The following KIZ variants were observed in gnomAD, a reference collection of about 807,000 sequenced individuals.
The protein encoded by KIZ is kizuna centrosomal protein, also known as centrosomal protein kizuna.
KIZ carries 68 observed loss-of-function variants against 79.6 expected under a neutral mutation model. That is an observed-to-expected ratio of 0.85 (90% CI 0.70 to 1.05). The LOEUF is 1.05. KIZ is among the 50% of genes least tolerant of loss of function. KIZ has a pLI of 0.00. For synonymous variants in KIZ, 280 were observed against 281.8 expected, an observed-to-expected ratio of 0.99 and a Z score of 0.06; for missense variants, 797 against 800.4, an observed-to-expected ratio of 1.00 and a Z score of 0.05.
chr20:21,198,702 G>A (rs966772757), intron 6 of KIZ: 5 of 152,572 alleles, frequency 3.3e-5, no homozygotes, highest in African/African-American at 1.2e-4. Context: ...AAACTTCACC[G>A]GATTAAGTGG....
chr20:21,232,647 C>G (rs1600608641), intron 10 of KIZ, 87 bp from the exon 11 acceptor site: 2 of 716,064 alleles, frequency 2.8e-6, no homozygotes, highest in Non-Finnish European at 5.1e-6. Context: ...TTTGTTTCAC[C>G]AAACTTACTG....
chr20:21,183,916 C>G (rs932553483), intron 6 of KIZ, among the ~76,000 whole-genome samples: 4 of 152,148 alleles, frequency 2.6e-5, no homozygotes, highest in African/African-American at 9.7e-5. Context: ...GAATTTTTCC[C>G]TGGCATGCTG....
At chr20:21,134,601 C>T (rs1019404222) in intron 2 of KIZ, among the ~76,000 whole-genome samples, 1 of 151,708 alleles carries the variant, frequency 6.6e-6, no homozygotes, top group African/African-American at 2.4e-5. Flanking sequence ...GGAATGTTTT[C>T]CCCTCATCTT....
chr20:21,188,027 A>G (rs1436224132), intron 6 of KIZ, among the ~76,000 whole-genome samples: 1 of 152,094 alleles, frequency 6.6e-6, no homozygotes, highest in Non-Finnish European at 1.5e-5. Context: ...CCTCAGCCTC[A>G]TTTTCTCAGA....
At chr20:21,206,604 G>T (rs2035838638) in intron 7 of KIZ, among the ~76,000 whole-genome samples, 1 of 152,238 alleles carries the variant, frequency 6.6e-6, no homozygotes, top group South Asian at 2.1e-4. Context: ...GTGAGAAGGA[G>T]CACAAGAAGT....
intron 2 of KIZ, among the ~76,000 whole-genome samples, chr20:21,133,905 A>G (rs2032007273): frequency 6.6e-6 from 1 of 152,202 alleles, no homozygotes; most frequent in Admixed American, 6.5e-5. Context: ...CTGCGAAAGG[A>G]GATGGGGCTG....
intron 4 of KIZ, among the ~76,000 whole-genome samples, chr20:21,150,277 C>A (rs898249605): frequency 6.6e-6 from 1 of 152,212 alleles, no homozygotes; most frequent in Non-Finnish European, 1.5e-5. Flanking sequence ...TGGGCCCGCC[C>A]TCTCACACCT....
intron 6 of KIZ, among the ~76,000 whole-genome samples, chr20:21,170,040 G>A (rs1340663588): frequency 6.6e-6 from 1 of 152,052 alleles, no homozygotes; most frequent in Non-Finnish European, 1.5e-5. Context: ...TCTCTGTGCA[G>A]GTTTTTGTGT....
At chr20:21,168,617 A>G (rs1194929543) in intron 6 of KIZ, among the ~76,000 whole-genome samples, 1 of 152,242 alleles carries the variant, frequency 6.6e-6, no homozygotes, top group Non-Finnish European at 1.5e-5. Flanking sequence ...GAGAGCCCGC[A>G]TCGCCAAGTC....
In KIZ at chr20:21,205,473, C is replaced by T; in HGVS notation, c.1353-18C>T. 2 of 1,098,480 alleles carry T rather than the reference C, an allele frequency of 1.8e-6. No individual in the cohort carries two copies. The highest frequency in any genetic ancestry group is 2.7e-6 in the Non-Finnish European group (2 of 739,788). The allele number at this position is 1,098,480 out of a possible 1,614,324, so 68.0% of individuals were successfully genotyped here. The stretch of plus-strand genomic sequence containing the variant: ...AATATTACAAATCTATAGTGAGTGT[C>T]CTGTTTCTGTTTTATAGACCTGGAC... On this transcript the variant is annotated intron_variant, in intron 6 of 12. Transcript: ENST00000619189.
chr20:21,155,904 CTTA>C (rs1194297881), intron 4 of KIZ, among the ~76,000 whole-genome samples: 2 of 151,888 alleles, frequency 1.3e-5, no homozygotes, highest in Non-Finnish European at 2.9e-5. Flanking sequence ...GCTTTATTTC[CTTA>C]TTATGATGGA....
intron 4 of KIZ, among the ~76,000 whole-genome samples, chr20:21,161,451 C>T (rs1397954047): frequency 2.0e-5 from 3 of 152,158 alleles, no homozygotes; most frequent in African/African-American, 7.2e-5. Context: ...CCTGCCTCAG[C>T]TTCCTGAATA....
chr20:21,168,043 G>A (rs4815026), intron 6 of KIZ, among the ~76,000 whole-genome samples: 1 of 151,784 alleles, frequency 6.6e-6, no homozygotes, highest in Non-Finnish European at 1.5e-5. Flanking sequence ...TTAACATTAG[G>A]TATATCTCCA....
intron 4 of KIZ, among the ~76,000 whole-genome samples, chr20:21,147,989 G>T (rs918071363): frequency 6.6e-6 from 1 of 151,750 alleles, no homozygotes; most frequent in Non-Finnish European, 1.5e-5. Flanking sequence ...GTGTGTGTGT[G>T]TGTGTGGCAG....
At chr20:21,155,853 C>G (rs145757181) in intron 4 of KIZ, among the ~76,000 whole-genome samples, 2 of 152,216 alleles carry the variant, frequency 1.3e-5, no homozygotes, top group African/African-American at 2.4e-5. Flanking sequence ...AAATAATGCT[C>G]TACGTGAACT....
At chr20:21,206,683 G>C (rs987887948) in intron 7 of KIZ, among the ~76,000 whole-genome samples, 1 of 152,168 alleles carries the variant, frequency 6.6e-6, no homozygotes, top group African/African-American at 2.4e-5. Context: ...TGTACCTTTT[G>C]AAAAGCCACT....
At position 21,132,146 on chromosome 20, in the gene KIZ, T is replaced by A; in HGVS notation, c.139T>A (p.Ser47Thr). Reference protein sequence around the residue: ...LEKKLYEYNQSDTCRVKLKYV... With the variant: ...LEKKLYEYNQTDTCRVKLKYV... The stretch of plus-strand genomic sequence containing the variant: ...AAAGAAACTTTATGAATATAATCAG[T>A]CTGATACATGCAGGTAAGAGACGAC... The change falls in exon 2 of 13, where the codon TCT (serine) becomes ACT (threonine). Residue 47 changes from serine to threonine, a missense_variant. By Grantham distance (58) the Ser-to-Thr change is moderately conservative. Transcript: ENST00000619189. 1 of 1,471,200 alleles carries A rather than the reference T, an allele frequency of 6.8e-7. No individual in the cohort carries two copies. Among genetic ancestry groups the A allele is most frequent in the Non-Finnish European group, 9.3e-7 (1 of 1,080,848 alleles). The allele number at this position is 1,471,200 out of a possible 1,614,324, so 91.1% of individuals were successfully genotyped here.
rs962119152 is a variant in KIZ, at chr20:21,141,804, C to T, written c.316-3761C>T. Among the ~76,000 whole-genome samples the T allele has an allele frequency of 6.9e-5, 9 of 131,266 alleles. No individual in the cohort carries two copies. The East Asian group carries it at 2.6e-3, about 37-fold the overall frequency. 86.1% of individuals were successfully genotyped at this position (131,266 alleles called of 152,430 possible). A position where few individuals can be genotyped will look rare whatever the true frequency, so the allele number is the denominator to read the frequency against. ...CACCCTTATTACTCCTCCCAACACACACACACACACACACACACACTCTCT... is the reference window on the plus strand; with the variant it reads ...CACCCTTATTACTCCTCCCAACACATACACACACACACACACACACTCTCT... On this transcript the variant is annotated intron_variant, in intron 3 of 12. Transcript: ENST00000619189.
chr20:21,207,069 C>T (rs1600539723), intron 7 of KIZ, among the ~76,000 whole-genome samples: 1 of 152,130 alleles, frequency 6.6e-6, no homozygotes, highest in East Asian at 1.9e-4. Flanking sequence ...ATATATAATA[C>T]AGGATTTTCT....
Sources: allele counts gnomAD v4.1 joint callset (sites outside exome capture counted in the v4.1 genomes callset), GRCh38; gene constraint gnomAD v4.1.1; transcripts MANE v1.5; gene names NCBI Gene and HGNC (gene_info 2026-07-23, HGNC 2026-07-21).